Variants in COX15 observed in about 807,000 individuals in gnomAD.
COX15 encodes the protein heme A synthase COX15.
A neutral mutation model predicts 51.9 loss-of-function variants in COX15; 51 were observed. The ratio of observed to expected loss-of-function variants is 0.98; its 90% CI spans 0.78 to 1.24. The LOEUF (loss-of-function observed/expected upper bound fraction) is 1.24. Among genes scored for constraint, COX15 ranks in the 50% most tolerant of loss-of-function variants. COX15 has a pLI of 0.00. For missense variants in COX15, 420 were observed against 501.1 expected (o/e 0.84, Z 1.55); for synonymous variants, 188 against 190.5 (o/e 0.99, Z 0.11).
chr10:99,695,763 T>C, the COX15 span, among the ~76,000 whole-genome samples: 1 of 152,352 alleles, frequency 6.6e-6, no homozygotes, highest in South Asian at 2.1e-4. Flanking sequence ...TAATTTAGTG[T>C]CTAATTTGTA....
chr10:99,728,810 G>C (rs960752985), intron 2 of COX15, among the ~76,000 whole-genome samples: 1 of 152,200 alleles, frequency 6.6e-6, no homozygotes, highest in African/African-American at 2.4e-5. Flanking sequence ...AATGACTAGA[G>C]TTTCCTCAGC....
chr10:99,714,536 T>C lies in COX15; in HGVS notation c.*51A>G. 6.2e-7 allele frequency: 1 copy of C among 1,613,230 alleles called. No homozygotes were observed. Among genetic ancestry groups the C allele is most frequent in the East Asian group, 2.2e-5 (1 of 44,864 alleles). ...GAAAAGCCCAAGTTCTTATGATCTC[T>C]GAAGAGCTCTCAAAAGCAGTCACAG... On this transcript the variant is annotated 3_prime_UTR_variant, in exon 9 of 9. Coordinates refer to ENST00000016171, the MANE Select transcript of COX15 (RefSeq NM_078470.6).
At chr10:99,701,425 C>G in the COX15 span, among the ~76,000 whole-genome samples, 2 of 151,648 alleles carry the variant, frequency 1.3e-5, no homozygotes, top group Non-Finnish European at 2.9e-5. Context: ...GTAGCTGGGA[C>G]TATAGGCACG....
the COX15 span, among the ~76,000 whole-genome samples, chr10:99,700,395 T>C: frequency 4.2e-5 from 1 of 23,722 alleles, no homozygotes; most frequent in Non-Finnish European, 8.3e-5. Flanking sequence ...CAACGTACCG[T>C]GTGTGTGTGT....
chr10:99,729,791 C>A, intron 1 of COX15, 57 bp from the exon 2 acceptor site: 1 of 1,557,172 alleles, frequency 6.4e-7, no homozygotes, highest in Non-Finnish European at 8.8e-7. Flanking sequence ...CTGCTACCCA[C>A]ACTCAACCCC....
At chr10:99,697,006 G>A in the COX15 span, among the ~76,000 whole-genome samples, 3 of 152,156 alleles carry the variant, frequency 2.0e-5, no homozygotes, top group Admixed American at 1.3e-4. Flanking sequence ...ACTTACCTAC[G>A]TATACTTAAC....
chr10:99,714,417 G>A lies in COX15; in HGVS notation c.*170C>T. The A allele has an allele frequency of 2.7e-6, 4 of 1,481,018 alleles. No individual in the cohort carries two copies. The allele number at this position is 1,481,018 out of a possible 1,614,324, so 91.7% of individuals were successfully genotyped here. ...AACATTTAGGGTAACCACACTTAAT[G>A]CATTCTTGATCCAGTGACTATCTCA... On this transcript the variant is annotated 3_prime_UTR_variant, in exon 9 of 9. Transcript: ENST00000016171.
chr10:99,696,051 G>A, the COX15 span: 1 of 1,614,170 alleles, frequency 6.2e-7, no homozygotes, highest in Admixed American at 1.7e-5. Context: ...CAACTTTTCT[G>A]GGTTTCGGAG....
intron 7 of COX15, among the ~76,000 whole-genome samples, chr10:99,717,693 A>G (rs967766455): frequency 5.9e-5 from 9 of 151,908 alleles, no homozygotes; most frequent in African/African-American, 2.2e-4. Context: ...CAGCCTCTCT[A>G]TTCCTTTAAA....
chr10:99,729,228 G>A (rs982612064), intron 2 of COX15, among the ~76,000 whole-genome samples: 8 of 152,126 alleles, frequency 5.3e-5, no homozygotes, highest in African/African-American at 1.7e-4. Context: ...TTGGGAGGCC[G>A]AGGTGGGCAG....
At chr10:99,696,978 A>G in the COX15 span, among the ~76,000 whole-genome samples, 1 of 152,222 alleles carries the variant, frequency 6.6e-6, no homozygotes, top group East Asian at 1.9e-4. Context: ...GGCAGGGCTG[A>G]TACTAAGCAA....
rs1418260898 is a variant in COX15 at position 99,721,075 on chromosome 10, A to G, written c.751-7T>C. 1 of 1,608,830 alleles carries G rather than the reference A, an allele frequency of 6.2e-7. No homozygotes were observed. The highest frequency in any genetic ancestry group is 1.3e-5 in the African/African-American group (1 of 74,952). On this transcript the variant is annotated splice_region_variant and splice_polypyrimidine_tract_variant and intron_variant, in intron 5 of 8. Coordinates refer to ENST00000016171, the MANE Select transcript of COX15 (RefSeq NM_078470.6). Reference sequence around the variant, plus strand: ...GTTGGTGGGTTTCAGGCAACTAAATATGAAAAAAAATCATTCAGTTAAACT... The same window carrying G: ...GTTGGTGGGTTTCAGGCAACTAAATGTGAAAAAAAATCATTCAGTTAAACT...
rs943723071 is a variant in COX15 at position 99,724,089 on chromosome 10, A to G, written c.617T>C (p.Leu206Pro). The change falls in exon 5 of 9, where the codon CTA (leucine) becomes CCA (proline). Residue 206 changes from leucine (L) to proline (P), a missense_variant. Transcript: ENST00000016171. ...GTCATGGGAGTCTGATTTTTCTTCTAGTCCACTTTTCACCATATACCATCC... is the reference window on the plus strand; with the variant it reads ...GTCATGGGAGTCTGATTTTTCTTCTGGTCCACTTTTCACCATATACCATCC... The part of the protein sequence containing the change: ...LLGWYMVKSG[L>P]EEKSDSHDIP... 18 of 1,614,148 alleles carry G rather than the reference A, an allele frequency of 1.1e-5. No homozygotes were observed. Among genetic ancestry groups the G allele is most frequent in the Non-Finnish European group, 1.5e-5 (18 of 1,180,020 alleles).
At chr10:99,715,136 TTTTTG>T (rs777931517) in intron 8 of COX15, among the ~76,000 whole-genome samples, 2 of 152,100 alleles carry the variant, frequency 1.3e-5, no homozygotes, top group South Asian at 2.1e-4. Context: ...ACCATAGTTT[TTTTTG>T]TTTTGTTTTG....
rs2269195 is a variant in COX15 at position 99,725,290 on chromosome 10, T to A, written c.583-1167A>T. On this transcript the variant is annotated intron_variant, in intron 4 of 8. Transcript: ENST00000016171. The stretch of plus-strand genomic sequence containing the variant: ...CCTTTCAAGATTACCCTGGATATTC[T>A]AATTACCTTGATTTCATCTGCAAGA... Among the ~76,000 whole-genome samples, 54 of 152,092 alleles carry A rather than the reference T, an allele frequency of 3.6e-4. 2 individuals are homozygous for A. The South Asian group carries it at 9.7e-3, about 27-fold the overall frequency.
rs1475359947 is a variant in COX15 at position 99,711,781 on chromosome 10, A to G, written c.*2806T>C. The G allele has an allele frequency of 1.0e-6, 1 of 985,428 alleles. No individual in the cohort carries two copies. Among genetic ancestry groups the G allele is most frequent in the Non-Finnish European group, 1.2e-6 (1 of 829,928 alleles). The allele number at this position is 985,428 out of a possible 1,614,324, so 61.0% of individuals were successfully genotyped here. On this transcript the variant is annotated 3_prime_UTR_variant, in exon 9 of 9. Transcript: ENST00000016171. ...GTCCAGCATTTATGAAAAATTGACA[A>G]ACTGTTTTGCTAAGAATCACCTGTG...
At chr10:99,731,829 T>C in intron 1 of COX15, 131 bp downstream of exon 1, 1 of 1,183,432 alleles carries the variant, frequency 8.4e-7, no homozygotes, top group Non-Finnish European at 1.2e-6. Context: ...GGGGCTCTGA[T>C]CTGAACCTAT....
intron 3 of COX15, 70 bp from the exon 4 acceptor site, chr10:99,727,224 T>G: frequency 6.4e-7 from 1 of 1,561,394 alleles, no homozygotes. Flanking sequence ...TCTTACGGAA[T>G]GCAAAACCTT....
At chr10:99,719,959 A>G (rs951698624) in intron 6 of COX15, among the ~76,000 whole-genome samples, 2 of 152,170 alleles carry the variant, frequency 1.3e-5, no homozygotes, top group African/African-American at 2.4e-5. Flanking sequence ...ATTTGTGCCA[A>G]CCAATATACT....
Sources: gnomAD v4.1 joint callset for allele counts (sites outside exome capture counted in the v4.1 genomes callset) on GRCh38, gnomAD v4.1.1 for gene constraint, MANE v1.5 for transcripts, NCBI Gene and HGNC (gene_info 2026-07-23, HGNC 2026-07-21) for gene names.